Variants in SIK3 observed in about 807,000 individuals in gnomAD.
SIK3 encodes the protein SIK family kinase 3, also known as serine/threonine-protein kinase SIK3.
A neutral mutation model predicts 144.2 loss-of-function variants in SIK3; 28 were observed. The ratio of observed to expected loss-of-function variants is 0.19; its 90% CI spans 0.14 to 0.27. The LOEUF (loss-of-function observed/expected upper bound fraction) is 0.27, where lower values mean the gene tolerates loss of function less well. Ranked by LOEUF, SIK3 falls within the 10% of genes least tolerant of loss-of-function variation. The pLI is 1.00. For synonymous variants in SIK3, 686 were observed against 676.3 expected (o/e 1.01, Z -0.22); for missense variants, 1,319 against 1,776.0 (o/e 0.74, Z 4.62).
chr11:117,004,016 A>G (rs889179621), intron 1 of SIK3, among the ~76,000 whole-genome samples: 1 of 152,338 alleles, frequency 6.6e-6, no homozygotes. Flanking sequence ...CTAAGAAATT[A>G]AAGTATTTAT....
intron 4 of SIK3, among the ~76,000 whole-genome samples, chr11:116,921,791 T>C (rs1946994306): frequency 6.6e-6 from 1 of 152,238 alleles, no homozygotes; most frequent in South Asian, 2.1e-4. Context: ...GATTTGTTAC[T>C]AATAATTCTA....
chr11:116,920,559 G>A (rs964223864), intron 4 of SIK3, among the ~76,000 whole-genome samples: 2 of 152,128 alleles, frequency 1.3e-5, no homozygotes, highest in African/African-American at 4.8e-5. Flanking sequence ...GTTCCAAGGG[G>A]TTATCTTACT....
chr11:117,068,253 T>A (rs1954103396), intron 1 of SIK3, among the ~76,000 whole-genome samples: 1 of 152,104 alleles, frequency 6.6e-6, no homozygotes, highest in African/African-American at 2.4e-5. Context: ...CAAGCCCAAA[T>A]GTCTCAACTA....
intron 1 of SIK3, among the ~76,000 whole-genome samples, chr11:116,988,343 G>A (rs150822966): frequency 1.0e-3 from 153 of 151,720 alleles, no homozygotes; most frequent in African/African-American, 3.1e-3. Context: ...CCGAGATGGC[G>A]CCACTGCACT....
At chr11:117,022,817 A>AGATTTCAGTTTTTAT (rs1951831808) in intron 1 of SIK3, among the ~76,000 whole-genome samples, 2 of 138,556 alleles carry the variant, frequency 1.4e-5, no homozygotes, top group Non-Finnish European at 3.1e-5. Flanking sequence ...AGGGCAAGGG[A>AGATTTCAGTTTTTAT]GGAAATGTGA....
At chr11:117,021,027 T>C (rs920424101) in intron 1 of SIK3, among the ~76,000 whole-genome samples, 1 of 152,166 alleles carries the variant, frequency 6.6e-6, no homozygotes, top group Admixed American at 6.5e-5. Flanking sequence ...AGGTAGACAG[T>C]GTCAGAACTG....
chr11:116,944,303 C>T (rs1214514288), intron 3 of SIK3, among the ~76,000 whole-genome samples: 2 of 152,034 alleles, frequency 1.3e-5, no homozygotes, highest in Non-Finnish European at 2.9e-5. Context: ...TTGGGTCATG[C>T]CAGAGAGTCT....
intron 3 of SIK3, among the ~76,000 whole-genome samples, chr11:116,945,279 G>C (rs1461593023): frequency 6.6e-6 from 1 of 151,726 alleles, no homozygotes; most frequent in Non-Finnish European, 1.5e-5. Context: ...CTGTCGTGTT[G>C]GGCAGTGTAG....
chr11:116,926,473 C>T (rs1245858162), intron 4 of SIK3, among the ~76,000 whole-genome samples: 1 of 152,158 alleles, frequency 6.6e-6, no homozygotes, highest in Non-Finnish European at 1.5e-5. Context: ...TGCCTATAAG[C>T]CACTCTAAGA....
In SIK3 at chr11:116,895,756, G is replaced by A. The variant is rs572589765; in HGVS notation, c.865+497C>T. Among the ~76,000 whole-genome samples the A allele has an allele frequency of 2.6e-5, 4 of 152,238 alleles. No homozygotes were observed. The South Asian group carries it at 8.3e-4, about 32-fold the overall frequency. On this transcript the variant is annotated intron_variant, in intron 6 of 24. Coordinates refer to ENST00000445177, the MANE Select transcript of SIK3 (RefSeq NM_001366686.3). ...TTTAAATTTGATTCTGGAGGACAAA[G>A]AGCACAGAAATAGGAAATGAAGCAG...
chr11:117,002,150 C>T (rs1279828238), intron 1 of SIK3, among the ~76,000 whole-genome samples: 1 of 152,188 alleles, frequency 6.6e-6, no homozygotes, highest in Non-Finnish European at 1.5e-5. Flanking sequence ...TAAAGTTTGC[C>T]ATTTGAACAT....
chr11:117,050,279 G>C (rs1453581970), intron 1 of SIK3, among the ~76,000 whole-genome samples: 1 of 151,172 alleles, frequency 6.6e-6, no homozygotes, highest in Non-Finnish European at 1.5e-5. Flanking sequence ...ACAAGATCAA[G>C]ACTCCATCAC....
At chr11:116,946,973 G>A (rs1390127347) in intron 3 of SIK3, among the ~76,000 whole-genome samples, 2 of 151,054 alleles carry the variant, frequency 1.3e-5, no homozygotes, top group Admixed American at 6.6e-5. Flanking sequence ...AAATTAGCCG[G>A]GCATAGTGGC....
At chr11:117,084,333 T>C (rs61903416) in intron 1 of SIK3, among the ~76,000 whole-genome samples, 59,849 of 152,024 alleles carry the variant, frequency 0.39, 14,938 homozygotes, top group African/African-American at 0.72. Context: ...GGCAGGATCT[T>C]GGCTCACTGC....
At chr11:116,987,545 TAGG>T (rs1307478186) in intron 1 of SIK3, among the ~76,000 whole-genome samples, 4 of 152,180 alleles carry the variant, frequency 2.6e-5, no homozygotes, top group African/African-American at 9.6e-5. Flanking sequence ...AAACAGGTAC[TAGG>T]AGAATGCCCT....
At chr11:116,929,679 C>T (rs1947490282) in intron 3 of SIK3, among the ~76,000 whole-genome samples, 2 of 152,168 alleles carry the variant, frequency 1.3e-5, no homozygotes, top group South Asian at 4.1e-4. Flanking sequence ...TACAAGTAAA[C>T]TCTGTTGCAT....
chr11:116,847,643 C>T (rs369718160), intron 22 of SIK3, 35 bp from the exon 23 acceptor site: 94 of 1,612,728 alleles, frequency 5.8e-5, no homozygotes, highest in Non-Finnish European at 7.7e-5. Context: ...AATAAGCACA[C>T]AAGACACCAC....
intron 1 of SIK3, among the ~76,000 whole-genome samples, chr11:117,034,515 G>T (rs998528551): frequency 4.6e-5 from 7 of 152,168 alleles, no homozygotes; most frequent in Non-Finnish European, 1.0e-4. Context: ...ATGCCCTCAA[G>T]TAAGTCGGCC....
chr11:116,938,689 T>C (rs1477841175), intron 3 of SIK3, among the ~76,000 whole-genome samples: 1 of 142,186 alleles, frequency 7.0e-6, no homozygotes, highest in African/African-American at 2.7e-5. Flanking sequence ...CTAGGAGAAA[T>C]GTTTGATTCC....
Sources: gnomAD v4.1 joint callset for allele counts (sites outside exome capture counted in the v4.1 genomes callset) on GRCh38, gnomAD v4.1.1 for gene constraint, MANE v1.5 for transcripts, NCBI Gene and HGNC (gene_info 2026-07-23, HGNC 2026-07-21) for gene names.